SMIM35: variants seen among roughly 807,000 people sequenced by gnomAD.
SMIM35 encodes small integral membrane protein 35.
At chr11:118,041,524 T>A (rs940145171) in intron 1 of SMIM35, among the ~76,000 whole-genome samples, 1 of 152,140 alleles carries the variant, frequency 6.6e-6, no homozygotes, top group Non-Finnish European at 1.5e-5. Flanking sequence ...TACAAATATG[T>A]GGAAATTAAA....
chr11:118,077,263 C>A (rs1177161068), intron 1 of SMIM35: 1 of 1,593,902 alleles, frequency 6.3e-7, no homozygotes, highest in Admixed American at 1.7e-5. Flanking sequence ...ACAATCTCAG[C>A]TCCAGGCTAC....
intron 1 of SMIM35, among the ~76,000 whole-genome samples, chr11:118,078,512 G>T (rs1224960506): frequency 6.6e-6 from 1 of 152,184 alleles, no homozygotes; most frequent in Non-Finnish European, 1.5e-5. Flanking sequence ...AGGGGAAGGG[G>T]CTTCCCTTTG....
chr11:118,012,639 T>C (rs764681489), intron 4 of SMIM35, among the ~76,000 whole-genome samples: 3 of 152,072 alleles, frequency 2.0e-5, no homozygotes, highest in Non-Finnish European at 4.4e-5. Context: ...GTTGGCCATG[T>C]TTGGGAGGCA....
chr11:118,042,142 T>C (rs547808534), intron 1 of SMIM35, among the ~76,000 whole-genome samples: 10 of 135,014 alleles, frequency 7.4e-5, no homozygotes, highest in South Asian at 2.5e-4. Context: ...GAGTGGAAAC[T>C]AATAAAATAG....
intron 1 of SMIM35, among the ~76,000 whole-genome samples, chr11:118,056,307 G>A (rs1049115468): frequency 2.0e-5 from 3 of 152,164 alleles, no homozygotes; most frequent in African/African-American, 7.2e-5. Context: ...CAAGGGACAG[G>A]GGAGAGGTGG....
intron 1 of SMIM35, among the ~76,000 whole-genome samples, chr11:118,053,617 G>A (rs541333549): frequency 6.6e-6 from 1 of 152,302 alleles, no homozygotes; most frequent in South Asian, 2.1e-4. Context: ...CCAAGAACTA[G>A]AGGCAACGGG....
intron 1 of SMIM35, among the ~76,000 whole-genome samples, chr11:118,080,962 C>A (rs1022639474): frequency 2.0e-5 from 3 of 152,216 alleles, no homozygotes; most frequent in African/African-American, 7.2e-5. Flanking sequence ...AAAGTGCAAT[C>A]ATCTACCACA....
chr11:118,008,537 C>T (rs1039786406), intron 4 of SMIM35, among the ~76,000 whole-genome samples: 5 of 152,208 alleles, frequency 3.3e-5, no homozygotes, highest in Admixed American at 3.3e-4. Context: ...AGCCTTGTCA[C>T]GGTTTTGATC....
chr11:118,035,278 G>A (rs1446965265), intron 1 of SMIM35, among the ~76,000 whole-genome samples: 1 of 152,018 alleles, frequency 6.6e-6, no homozygotes, highest in East Asian at 1.9e-4. Flanking sequence ...TAGAGCCCCA[G>A]GACTTTCTCC....
At chr11:118,049,339 A>ATTTTTTTTT (rs398017739) in intron 1 of SMIM35, among the ~76,000 whole-genome samples, 2 of 83,992 alleles carry the variant, frequency 2.4e-5, no homozygotes, top group African/African-American at 1.0e-4. Context: ...TCCACCCTTA[A>ATTTTTTTTT]TTTTTTTTTT....
chr11:118,078,282 T>C (rs1944851889), intron 1 of SMIM35, among the ~76,000 whole-genome samples: 1 of 152,228 alleles, frequency 6.6e-6, no homozygotes, highest in African/African-American at 2.4e-5. Flanking sequence ...GGGGTCTTCC[T>C]TCTCCAGTCC....
chr11:118,033,134 A>G (rs545157778), intron 1 of SMIM35, among the ~76,000 whole-genome samples: 1 of 152,328 alleles, frequency 6.6e-6, no homozygotes, highest in South Asian at 2.1e-4. Flanking sequence ...TGGTAGCAGA[A>G]AGTCTTTACC....
intron 1 of SMIM35, among the ~76,000 whole-genome samples, chr11:118,046,175 G>C (rs1292923166): frequency 6.6e-6 from 1 of 152,064 alleles, no homozygotes; most frequent in Non-Finnish European, 1.5e-5. Context: ...AGTACCCATA[G>C]AGATCTCCAC....
chr11:118,060,344 A>T (rs1250294639), intron 1 of SMIM35, among the ~76,000 whole-genome samples: 1 of 151,606 alleles, frequency 6.6e-6, no homozygotes, highest in Non-Finnish European at 1.5e-5. Context: ...GTGAGCACCC[A>T]CTCCCACCTC....
chr11:118,077,211 G>A, intron 1 of SMIM35: 1 of 1,530,248 alleles, frequency 6.5e-7, no homozygotes, highest in Non-Finnish European at 8.9e-7. Flanking sequence ...CTGCTGGCCA[G>A]CCAGGACCTG....
At chr11:118,016,672 A>C (rs976588353) in intron 1 of SMIM35, among the ~76,000 whole-genome samples, 4 of 152,218 alleles carry the variant, frequency 2.6e-5, no homozygotes, top group Non-Finnish European at 5.9e-5. Flanking sequence ...ACTATTTGCA[A>C]GCTGTGAGAC....
At chr11:118,084,629 T>A (rs1196037663) in intron 1 of SMIM35, among the ~76,000 whole-genome samples, 1 of 152,204 alleles carries the variant, frequency 6.6e-6, no homozygotes, top group African/African-American at 2.4e-5. Flanking sequence ...AGACCCTCCT[T>A]GAACATGTGT....
intron 1 of SMIM35, among the ~76,000 whole-genome samples, chr11:118,071,066 A>AGCCTG (rs755826789): frequency 6.6e-6 from 1 of 152,240 alleles, no homozygotes; most frequent in Non-Finnish European, 1.5e-5. Flanking sequence ...CAGGCAAAAG[A>AGCCTG]GCCTGGCACA....
At chr11:118,064,815 T>G (rs1470766169) in intron 1 of SMIM35, among the ~76,000 whole-genome samples, 2 of 152,220 alleles carry the variant, frequency 1.3e-5, no homozygotes, top group African/African-American at 4.8e-5. Context: ...GGCTACTTTT[T>G]GTAATTTTTA....
Sources: allele counts gnomAD v4.1 joint callset (sites outside exome capture counted in the v4.1 genomes callset), GRCh38; gene constraint gnomAD v4.1.1; transcripts MANE v1.5; gene names NCBI Gene and HGNC (gene_info 2026-07-23, HGNC 2026-07-21).